The following SCML4 variants were observed in gnomAD, a reference collection of about 807,000 sequenced individuals.
SCML4 encodes Scm polycomb group protein like 4.
In SCML4, 34 loss-of-function variants were observed where a neutral mutation model predicts 41.1. The observed-to-expected ratio is 0.83, with a 90% CI of 0.63 to 1.10. SCML4 has a LOEUF of 1.10. Among genes scored for constraint, SCML4 ranks in the 50% least tolerant of loss-of-function variants. The pLI is 0.00. For synonymous variants in SCML4, 214 were observed against 220.9 expected (o/e 0.97, Z 0.28); for missense variants, 522 against 534.1 (o/e 0.98, Z 0.22).
intron 2 of SCML4, among the ~76,000 whole-genome samples, chr6:107,759,973 CA>C (rs1298919366): frequency 1.3e-5 from 2 of 152,172 alleles, no homozygotes; most frequent in Admixed American, 1.3e-4. Flanking sequence ...GGACTCTGAG[CA>C]ACTCACTCAG....
chr6:107,754,753 C>T (rs1353602884), intron 2 of SCML4, among the ~76,000 whole-genome samples: 1 of 152,188 alleles, frequency 6.6e-6, no homozygotes, highest in Non-Finnish European at 1.5e-5. Flanking sequence ...TATCCAGACA[C>T]TGTTTACTGT....
chr6:107,820,890 T>C lies in SCML4; in HGVS notation c.-60+3236A>G, dbSNP rs191321735. On this transcript the variant is annotated intron_variant, in intron 1 of 7. Coordinates refer to ENST00000369020, the MANE Select transcript of SCML4 (RefSeq NM_198081.5). ...AGAAGGAGAAAGTGACATATTCAAA[T>C]GCGATTCAAACATTCCAAGCTGCTC... Among the ~76,000 whole-genome samples, 26 of 152,328 alleles carry C rather than the reference T, an allele frequency of 1.7e-4. 1 individual carries two copies. The highest frequency in any genetic ancestry group is 1.5e-3 in the Admixed American group (23 of 15,300).
At chr6:107,807,967 G>A (rs1783865051) in intron 1 of SCML4, among the ~76,000 whole-genome samples, 1 of 152,318 alleles carries the variant, frequency 6.6e-6, no homozygotes, top group African/African-American at 2.4e-5. Flanking sequence ...ATTAATTACA[G>A]TCTGAGGGGA....
the SCML4 span, among the ~76,000 whole-genome samples, chr6:107,844,028 T>C: frequency 6.6e-6 from 1 of 151,728 alleles, no homozygotes; most frequent in African/African-American, 2.4e-5. Context: ...TGATGGCAGA[T>C]TGGGTGGGAG....
At chr6:107,745,469 T>C (rs770036540) in intron 4 of SCML4, 2 of 204,754 alleles carry the variant, frequency 9.8e-6, no homozygotes, top group Non-Finnish European at 1.9e-5. Flanking sequence ...TTTTTTCTCA[T>C]GATTAGACTA....
At chr6:107,799,112 C>T (rs1398185948) in intron 1 of SCML4, among the ~76,000 whole-genome samples, 1 of 152,030 alleles carries the variant, frequency 6.6e-6, no homozygotes, top group African/African-American at 2.4e-5. Context: ...TCCTCTATAC[C>T]CTTGTAAGTA....
intron 1 of SCML4, among the ~76,000 whole-genome samples, chr6:107,781,170 A>G (rs1781458718): frequency 6.6e-6 from 1 of 152,198 alleles, no homozygotes; most frequent in Non-Finnish European, 1.5e-5. Flanking sequence ...GCTGGACAAC[A>G]TGGTGAGACC....
At chr6:107,743,420 A>G (rs558653562) in intron 5 of SCML4, among the ~76,000 whole-genome samples, 2 of 152,348 alleles carry the variant, frequency 1.3e-5, no homozygotes, top group Admixed American at 1.3e-4. Flanking sequence ...TGTGTGTTCA[A>G]TGTAACAATG....
upstream of SCML4, among the ~76,000 whole-genome samples, chr6:107,827,610 T>TGAG (rs1785300764): frequency 6.6e-6 from 1 of 152,164 alleles, no homozygotes; most frequent in African/African-American, 2.4e-5. Flanking sequence ...AGCTAGCATC[T>TGAG]CTCTAAGTCT....
In SCML4 at chr6:107,707,833, TC is replaced by T. The variant is rs752127648; in HGVS notation, c.1119+32del. 45 of 1,549,822 alleles carry T rather than the reference TC, an allele frequency of 2.9e-5. No homozygotes were observed. The South Asian group carries it at 4.0e-4, about 14-fold the overall frequency. On this transcript the variant is annotated intron_variant, in intron 7 of 7. Transcript: ENST00000369020. ...TCTCCTTCTGTGCCTGCTCCCTCAA[TC>T]CCCCCCAAGGTCAAACCCACCACTC...
chr6:107,777,898 G>GGT, intron 1 of SCML4, among the ~76,000 whole-genome samples: 1 of 151,928 alleles, frequency 6.6e-6, no homozygotes, highest in Middle Eastern at 3.4e-3. Flanking sequence ...TCTACCCATA[G>GGT]ACACATAATT....
At chr6:107,746,025 TA>T (rs111750524) in intron 4 of SCML4, 44 of 145,054 alleles carry the variant, frequency 3.0e-4, no homozygotes, top group African/African-American at 1.1e-3. Context: ...AATAAATAAA[TA>T]AAAGAATGGA....
intron 6 of SCML4, among the ~76,000 whole-genome samples, chr6:107,709,389 G>A (rs1200037814): frequency 6.6e-6 from 1 of 152,222 alleles, no homozygotes; most frequent in Non-Finnish European, 1.5e-5. Context: ...GGAGGGGCAG[G>A]TGTAAGGATG....
chr6:107,805,801 C>T (rs80191954), intron 1 of SCML4, among the ~76,000 whole-genome samples: 6,488 of 152,200 alleles, frequency 0.043, 469 homozygotes, highest in African/African-American at 0.15. Flanking sequence ...GCAATGAGGC[C>T]TGATGAGAAA....
intron 1 of SCML4, among the ~76,000 whole-genome samples, chr6:107,796,415 T>G (rs898631616): frequency 1.2e-4 from 18 of 152,214 alleles, no homozygotes; most frequent in African/African-American, 4.3e-4. Context: ...CCCGTTTTTA[T>G]GTGTATATTG....
chr6:107,750,828 A>G (rs1778551893), intron 2 of SCML4, among the ~76,000 whole-genome samples: 1 of 152,214 alleles, frequency 6.6e-6, no homozygotes, highest in Admixed American at 6.5e-5. Flanking sequence ...CCCAGGTACC[A>G]CTGATGCTGC....
chr6:107,828,085 A>T (rs187646446), upstream of SCML4, among the ~76,000 whole-genome samples: 3 of 152,358 alleles, frequency 2.0e-5, no homozygotes, highest in Admixed American at 1.3e-4. Flanking sequence ...AGGTATTATG[A>T]TACCATTCCC....
intron 5 of SCML4, among the ~76,000 whole-genome samples, chr6:107,728,958 G>A (rs151261745): frequency 2.8e-4 from 42 of 152,242 alleles, no homozygotes; most frequent in East Asian, 5.8e-4. Flanking sequence ...TGCATTTTCC[G>A]CACTTTTCTA....
chr6:107,746,436 TGGAAGTG>T (rs981120305), intron 4 of SCML4: 2 of 435,314 alleles, frequency 4.6e-6, no homozygotes, highest in Non-Finnish European at 8.1e-6. Flanking sequence ...ACCGGTGAGT[TGGAAGTG>T]GGAAGTGGGA....
Sources: gnomAD v4.1 joint callset for allele counts (sites outside exome capture counted in the v4.1 genomes callset) on GRCh38, gnomAD v4.1.1 for gene constraint, MANE v1.5 for transcripts, NCBI Gene and HGNC (gene_info 2026-07-23, HGNC 2026-07-21) for gene names.